Variants in NCKAP5 observed in about 807,000 individuals in gnomAD.
NCKAP5 encodes nck-associated protein 5.
A neutral mutation model predicts 167.0 loss-of-function variants in NCKAP5; 92 were observed. The observed-to-expected ratio is 0.55, with a 90% confidence interval of 0.47 to 0.66. The LOEUF (loss-of-function observed/expected upper bound fraction) is 0.66. Among genes scored for constraint, NCKAP5 ranks in the 30% least tolerant of loss-of-function variants. The pLI is 0.00. For missense variants in NCKAP5, 2,378 were observed against 2,315.0 expected (o/e 1.03, Z -0.56); for synonymous variants, 891 against 877.4 (o/e 1.02, Z -0.27).
At chr2:133,168,226 T>A (rs1428987473) in intron 5 of NCKAP5, among the ~76,000 whole-genome samples, 1 of 152,022 alleles carries the variant, frequency 6.6e-6, no homozygotes, top group Non-Finnish European at 1.5e-5. Context: ...CGAATCCACA[T>A]TCCTTGACTT....
At position 132,963,834 on chromosome 2, in the gene NCKAP5, T is replaced by A. The variant is rs373127744; in HGVS notation, c.465A>T (p.Glu155Asp). The A allele has an allele frequency of 6.8e-5, 110 of 1,613,770 alleles. No individual in the cohort carries two copies. The highest frequency in any genetic ancestry group is 9.1e-5 in the Non-Finnish European group (107 of 1,179,842). The change falls in exon 8 of 20, where the codon GAA becomes GAT. Residue 155 changes from glutamate (E) to aspartate (D), a missense_variant. Transcript: ENST00000409261. ...KLSEEERKHK[E>D]ALEDLHMVVD... Reference sequence around the variant, plus strand: ...CCACCATGTGAAGATCTTCCAAAGCTTCCTTATGTTTTCTCTCTTCCTCTG... The same window carrying A: ...CCACCATGTGAAGATCTTCCAAAGCATCCTTATGTTTTCTCTCTTCCTCTG...
At chr2:133,478,912 C>T (rs1355208539) in intron 3 of NCKAP5, among the ~76,000 whole-genome samples, 1 of 151,932 alleles carries the variant, frequency 6.6e-6, no homozygotes, top group Non-Finnish European at 1.5e-5. Flanking sequence ...ACTAGATCCG[C>T]CCAATTGTCA....
rs73956095 is a variant in NCKAP5 at position 133,009,722 on chromosome 2, T to G, written c.342-15483A>C. On this transcript the variant is annotated intron_variant, in intron 6 of 19. Transcript: ENST00000409261. Reference sequence around the variant, plus strand: ...CCACAATGACCCCACAATGTATTAATGTATTAAGAGCCAGAAGAGGATGCC... The same window carrying G: ...CCACAATGACCCCACAATGTATTAAGGTATTAAGAGCCAGAAGAGGATGCC... 8.0e-3 allele frequency among the ~76,000 whole-genome samples: 1,219 copies of G among 152,232 alleles called. 11 individuals are homozygous for G. Among genetic ancestry groups the G allele is most frequent in the African/African-American group, 0.028 (1,161 of 41,536 alleles).
At chr2:133,144,727 G>A (rs899785915) in intron 5 of NCKAP5, among the ~76,000 whole-genome samples, 7 of 152,074 alleles carry the variant, frequency 4.6e-5, no homozygotes, top group East Asian at 3.9e-4. Context: ...AGGCACCTGC[G>A]TTGTGTTATA....
At chr2:132,943,517 CA>C (rs1381677552) in intron 8 of NCKAP5, among the ~76,000 whole-genome samples, 6 of 152,208 alleles carry the variant, frequency 3.9e-5, no homozygotes. Flanking sequence ...ACAATCTGCC[CA>C]AACCCCTCTT....
At chr2:133,337,148 T>C (rs1683267142) in intron 3 of NCKAP5, among the ~76,000 whole-genome samples, 1 of 152,252 alleles carries the variant, frequency 6.6e-6, no homozygotes. Context: ...AAATTATTAA[T>C]ATGCCAGTAG....
chr2:132,832,415 T>C (rs968428630), intron 11 of NCKAP5, among the ~76,000 whole-genome samples: 2 of 152,108 alleles, frequency 1.3e-5, no homozygotes, highest in African/African-American at 2.4e-5. Context: ...AAGTGCAACT[T>C]TGTTACATGG....
intron 6 of NCKAP5, among the ~76,000 whole-genome samples, chr2:133,042,995 T>C (rs897228684): frequency 3.9e-5 from 6 of 152,310 alleles, no homozygotes; most frequent in African/African-American, 1.4e-4. Flanking sequence ...ATTAAGGTCC[T>C]GAGAGGACCA....
intron 15 of NCKAP5, among the ~76,000 whole-genome samples, chr2:132,775,989 A>G (rs1682514313): frequency 6.6e-6 from 1 of 152,212 alleles, no homozygotes; most frequent in South Asian, 2.1e-4. Context: ...GAAAGAATCA[A>G]ATAATTAGAA....
At chr2:133,395,335 G>A (rs1194656546) in intron 3 of NCKAP5, among the ~76,000 whole-genome samples, 1 of 152,182 alleles carries the variant, frequency 6.6e-6, no homozygotes, top group Non-Finnish European at 1.5e-5. Context: ...ACTCTTCTCA[G>A]AAATAATGGC....
chr2:133,108,304 A>T (rs1248517271), intron 6 of NCKAP5, among the ~76,000 whole-genome samples: 1 of 152,198 alleles, frequency 6.6e-6, no homozygotes, highest in Non-Finnish European at 1.5e-5. Flanking sequence ...GCTAGAGGAC[A>T]GTATCCCCGA....
chr2:133,394,062 A>G (rs1687590439), intron 3 of NCKAP5, among the ~76,000 whole-genome samples: 1 of 152,234 alleles, frequency 6.6e-6, no homozygotes, highest in Admixed American at 6.5e-5. Flanking sequence ...CAAATTAGAC[A>G]GACTCCTGCC....
At chr2:132,928,549 C>A (rs1369820789) in intron 8 of NCKAP5, among the ~76,000 whole-genome samples, 1 of 152,096 alleles carries the variant, frequency 6.6e-6, no homozygotes, top group Non-Finnish European at 1.5e-5. Context: ...TGCTGAAAAA[C>A]TCAAGTGGGC....
At chr2:133,397,061 A>G (rs550695112) in intron 3 of NCKAP5, among the ~76,000 whole-genome samples, 11 of 152,230 alleles carry the variant, frequency 7.2e-5, no homozygotes, top group Non-Finnish European at 1.3e-4. Flanking sequence ...GACCCATATC[A>G]GGTTTGAACT....
At chr2:133,254,414 G>A (rs959620761) in intron 4 of NCKAP5, among the ~76,000 whole-genome samples, 5 of 151,988 alleles carry the variant, frequency 3.3e-5, no homozygotes, top group South Asian at 2.1e-4. Flanking sequence ...CAGATACTTC[G>A]ACGAGGCTGA....
intron 16 of NCKAP5, among the ~76,000 whole-genome samples, chr2:132,739,477 T>C (rs1691820243): frequency 6.6e-6 from 1 of 152,206 alleles, no homozygotes; most frequent in Non-Finnish European, 1.5e-5. Flanking sequence ...AAGGGCTTTT[T>C]AGAACTATTC....
intron 8 of NCKAP5, among the ~76,000 whole-genome samples, chr2:132,920,083 G>T (rs931391834): frequency 2.0e-5 from 3 of 152,042 alleles, no homozygotes; most frequent in Non-Finnish European, 1.5e-5. Context: ...CAGCTGACTG[G>T]ACCACCAGGA....
intron 11 of NCKAP5, among the ~76,000 whole-genome samples, chr2:132,858,173 T>C (rs1689616606): frequency 6.6e-6 from 1 of 152,122 alleles, no homozygotes; most frequent in Non-Finnish European, 1.5e-5. Context: ...CCAAAGACCA[T>C]GGGCAGCAGC....
intron 5 of NCKAP5, among the ~76,000 whole-genome samples, chr2:133,132,826 G>A (rs777934779): frequency 8.6e-5 from 13 of 151,684 alleles, no homozygotes; most frequent in Non-Finnish European, 1.6e-4. Context: ...ACAGGCACCC[G>A]CAACCACGCC....
Sources: gnomAD v4.1 joint callset for allele counts (sites outside exome capture counted in the v4.1 genomes callset) on GRCh38, gnomAD v4.1.1 for gene constraint, MANE v1.5 for transcripts, NCBI Gene and HGNC (gene_info 2026-07-23, HGNC 2026-07-21) for gene names.